CYP2C19: variants seen among roughly 807,000 people sequenced by gnomAD.
CYP2C19 encodes cytochrome P450 2C19.
A neutral mutation model predicts 40.9 loss-of-function variants in CYP2C19; 59 were observed. The observed-to-expected ratio is 1.44, with a 90% confidence interval of 1.17 to 1.79. The LOEUF is 1.79. Among genes scored for constraint, CYP2C19 ranks in the 40% most tolerant of loss-of-function variants. The pLI is 0.00. For synonymous variants in CYP2C19, 253 were observed against 208.7 expected (o/e 1.21, Z -1.83); for missense variants, 754 against 596.9 (o/e 1.26, Z -2.74).
chr10:94,845,570 G>C (rs1555474), intron 7 of CYP2C19, among the ~76,000 whole-genome samples: 72,895 of 151,902 alleles, frequency 0.48, 18,337 homozygotes, highest in African/African-American at 0.62. Context: ...CAAAGACTGA[G>C]TTTTAACTTT....
At chr10:94,763,656 T>A (rs1462411711) in intron 1 of CYP2C19, among the ~76,000 whole-genome samples, 3 of 152,038 alleles carry the variant, frequency 2.0e-5, no homozygotes, top group Non-Finnish European at 4.4e-5. Flanking sequence ...GCTGTAGTTA[T>A]GAAGACTACT....
intron 5 of CYP2C19, among the ~76,000 whole-genome samples, chr10:94,795,746 G>T (rs969460330): frequency 6.6e-6 from 1 of 152,152 alleles, no homozygotes; most frequent in Non-Finnish European, 1.5e-5. Flanking sequence ...GCAGTTCTCT[G>T]ATGGCCAATG....
chr10:94,784,973 T>C (rs1012985866), intron 5 of CYP2C19, among the ~76,000 whole-genome samples: 1 of 152,152 alleles, frequency 6.6e-6, no homozygotes, highest in Non-Finnish European at 1.5e-5. Context: ...ATATCTTCTT[T>C]GGAGAAATGT....
intron 5 of CYP2C19, among the ~76,000 whole-genome samples, chr10:94,811,903 A>G (rs1848930822): frequency 1.3e-5 from 2 of 152,146 alleles, no homozygotes; most frequent in South Asian, 4.2e-4. Flanking sequence ...GTGTGGATTT[A>G]ATCCTGCCAT....
At chr10:94,771,180 A>G (rs1338034408) in intron 1 of CYP2C19, among the ~76,000 whole-genome samples, 1 of 151,096 alleles carries the variant, frequency 6.6e-6, no homozygotes, top group East Asian at 1.9e-4. Context: ...GGCCAAATTT[A>G]CCTCCCCCTA....
chr10:94,785,315 C>T (rs567497461), intron 5 of CYP2C19, among the ~76,000 whole-genome samples: 8 of 152,134 alleles, frequency 5.3e-5, no homozygotes, highest in African/African-American at 1.9e-4. Context: ...TTTTTCCGTC[C>T]ATTTTTCAGT....
chr10:94,779,728 T>C (rs1160487949), intron 3 of CYP2C19, among the ~76,000 whole-genome samples: 1 of 151,792 alleles, frequency 6.6e-6, no homozygotes, highest in Non-Finnish European at 1.5e-5. Flanking sequence ...ACTCGACTAA[T>C]TTTTGCATCC....
At position 94,829,069 on chromosome 10, in the gene CYP2C19, C is replaced by T. The variant is rs558805878; in HGVS notation, c.961+8432C>T. Among the ~76,000 whole-genome samples, 198 of 152,226 alleles carry T rather than the reference C, an allele frequency of 1.3e-3. 2 individuals are homozygous for T. Among genetic ancestry groups the T allele is most frequent in the African/African-American group, 4.4e-3 (184 of 41,528 alleles). On this transcript the variant is annotated intron_variant, in intron 6 of 8. Transcript: ENST00000371321. Reference sequence around the variant, plus strand: ...GATGGGCTTCCCTTTGAGGGTAACCCGACCTTTCTCTCTGGCTGCCCTTAA... The same window carrying T: ...GATGGGCTTCCCTTTGAGGGTAACCTGACCTTTCTCTCTGGCTGCCCTTAA...
chr10:94,828,355 G>A (rs1326265955), intron 6 of CYP2C19, among the ~76,000 whole-genome samples: 4 of 151,404 alleles, frequency 2.6e-5, no homozygotes, highest in Admixed American at 1.3e-4. Flanking sequence ...TCCTGTATTG[G>A]GTGCATATAT....
chr10:94,769,407 G>A (rs756988540), intron 1 of CYP2C19, among the ~76,000 whole-genome samples: 1 of 152,152 alleles, frequency 6.6e-6, no homozygotes, highest in Non-Finnish European at 1.5e-5. Flanking sequence ...ATCCTCAAAG[G>A]CAAAGAGAAA....
chr10:94,809,074 C>G (rs185110141), intron 5 of CYP2C19, among the ~76,000 whole-genome samples: 1 of 152,250 alleles, frequency 6.6e-6, no homozygotes, highest in Admixed American at 6.5e-5. Flanking sequence ...GTTCCTTTTT[C>G]TTCACATCCT....
chr10:94,772,634 C>A (rs1432625832), intron 1 of CYP2C19, among the ~76,000 whole-genome samples: 2 of 152,164 alleles, frequency 1.3e-5, no homozygotes, highest in African/African-American at 4.8e-5. Flanking sequence ...TCTCTGTCAA[C>A]CCTTGGCGCA....
chr10:94,833,887 T>A (rs1216953728), intron 6 of CYP2C19, among the ~76,000 whole-genome samples: 2 of 152,200 alleles, frequency 1.3e-5, no homozygotes, highest in Non-Finnish European at 2.9e-5. Context: ...TATTGTATTG[T>A]TGAATGTGGT....
chr10:94,796,538 AT>A (rs779149672), intron 5 of CYP2C19, among the ~76,000 whole-genome samples: 1 of 152,080 alleles, frequency 6.6e-6, no homozygotes, highest in South Asian at 2.1e-4. Context: ...GAAGAAAGTC[AT>A]TGGTATCTTG....
Position 94,824,106 on chromosome 10 carries a change from G to C in CYP2C19, c.961+3469G>C, listed in dbSNP as rs190764586. Among the ~76,000 whole-genome samples, 19 of 152,294 alleles carry C rather than the reference G, an allele frequency of 1.2e-4. No homozygotes were observed. The East Asian group carries it at 3.5e-3, about 28-fold the overall frequency. ...TTACAAATAGAAATAAAGAGATGTG[G>C]TTAAGTTTAAGAAAGTGCTAAAAAT... On this transcript the variant is annotated intron_variant, in intron 6 of 8. Transcript: ENST00000371321.
chr10:94,829,250 G>T lies in CYP2C19; in HGVS notation c.961+8613G>T, dbSNP rs906263072. Among the ~76,000 whole-genome samples, 40 of 152,272 alleles carry T rather than the reference G, an allele frequency of 2.6e-4. No individual in the cohort carries two copies. In the South Asian group the frequency reaches 8.1e-3, roughly 31 times the overall value. The stretch of plus-strand genomic sequence containing the variant: ...GGGAAGTTCTCCTGGATAATATCCT[G>T]CAGAGTGTTTTCCAACTTGTTTCCA... On this transcript the variant is annotated intron_variant, in intron 6 of 8. Coordinates refer to ENST00000371321, the MANE Select transcript of CYP2C19 (RefSeq NM_000769.4).
chr10:94,770,643 A>G (rs939840557), intron 1 of CYP2C19, among the ~76,000 whole-genome samples: 2 of 152,054 alleles, frequency 1.3e-5, no homozygotes, highest in African/African-American at 4.8e-5. Context: ...GGATCAATTG[A>G]CCTTCTAGTC....
Position 94,849,491 on chromosome 10 carries a change from A to G in CYP2C19, c.1150-426A>G, listed in dbSNP as rs573586757. On this transcript the variant is annotated intron_variant, in intron 7 of 8. Transcript: ENST00000371321. ...TTTGGGATTTTTTTTAAATTTTATT[A>G]TCATTATACTTTAAGTTTTAGGGTA... 7.9e-5 allele frequency among the ~76,000 whole-genome samples: 12 copies of G among 152,038 alleles called. No homozygotes were observed. The East Asian group carries it at 2.1e-3, about 27-fold the overall frequency.
In CYP2C19 at chr10:94,787,259, G is replaced by A. The variant is rs1294112983; in HGVS notation, c.819+5262G>A. Among the ~76,000 whole-genome samples, 4 of 152,196 alleles carry A rather than the reference G, an allele frequency of 2.6e-5. No homozygotes were observed. In the East Asian group the frequency reaches 7.7e-4, roughly 29 times the overall value. ...TTTCTCTGATGATAAGTGATGTTCA[G>A]CATTTTGTCATATGCTTGTTGGCCA... On this transcript the variant is annotated intron_variant, in intron 5 of 8. Transcript: ENST00000371321.
Sources: allele counts gnomAD v4.1 joint callset (sites outside exome capture counted in the v4.1 genomes callset), GRCh38; gene constraint gnomAD v4.1.1; transcripts MANE v1.5; gene names NCBI Gene and HGNC (gene_info 2026-07-23, HGNC 2026-07-21).